Variants in PIK3C2A observed in about 807,000 individuals in gnomAD.
The protein encoded by PIK3C2A is phosphatidylinositol 4-phosphate 3-kinase C2 domain-containing subunit alpha.
PIK3C2A carries 97 observed loss-of-function variants against 204.5 expected under a neutral mutation model. The ratio of observed to expected loss-of-function variants is 0.47; its 90% CI spans 0.40 to 0.56. The LOEUF (loss-of-function observed/expected upper bound fraction) is 0.56. PIK3C2A is among the 20% of genes least tolerant of loss of function. The probability of loss-of-function intolerance (pLI) is 0.00; values close to 1 mark genes in which losing one functional copy is unlikely to be tolerated. For synonymous variants in PIK3C2A, 653 were observed against 664.4 expected (o/e 0.98, Z 0.26); for missense variants, 1,735 against 1,969.2 (o/e 0.88, Z 2.25).
At chr11:17,193,471 A>G in intron 1 of PIK3C2A, 1 of 422,030 alleles carries the variant, frequency 2.4e-6, no homozygotes. Context: ...TTCAGGAGCC[A>G]TGGCTTAGGG....
chr11:17,106,799 A>G (rs80288693), intron 22 of PIK3C2A, among the ~76,000 whole-genome samples: 6,984 of 152,282 alleles, frequency 0.046, 374 homozygotes, highest in African/African-American at 0.12. Flanking sequence ...AAAGTTACAT[A>G]TAAGACACAC....
rs188033481 is a variant in PIK3C2A at position 17,090,692 on chromosome 11, G to A, written c.4878+642C>T. Among the ~76,000 whole-genome samples, 21 of 151,980 alleles carry A rather than the reference G, an allele frequency of 1.4e-4. No individual in the cohort carries two copies. In the East Asian group the frequency reaches 2.5e-3, roughly 18 times the overall value. On this transcript the variant is annotated intron_variant, in intron 32 of 32. Transcript: ENST00000691414. ...GTTAAATACTATTGGACTGTTATTGGTGTACACTGTATAACAAATAGTTCA... is the reference window on the plus strand; with the variant it reads ...GTTAAATACTATTGGACTGTTATTGATGTACACTGTATAACAAATAGTTCA...
In PIK3C2A at chr11:17,102,730, C is replaced by G. The variant is rs148217284; in HGVS notation, c.3783G>C (p.Thr1261=). ...CAAAGTCAATGTGAAACATGTGTCCCGTGCTTCGAAGCATTATATTGTCAT... is the reference window on the plus strand; with the variant it reads ...CAAAGTCAATGTGAAACATGTGTCCGGTGCTTCGAAGCATTATATTGTCAT... ...RHNDNIMLRS[T]GHMFHIDFGK... The change falls in exon 24 of 33, where the codon ACG becomes ACC. Residue 1261 remains threonine, a synonymous_variant. Coordinates refer to ENST00000691414, the MANE Select transcript of PIK3C2A (RefSeq NM_002645.4). 2 of 1,613,798 alleles carry G rather than the reference C, an allele frequency of 1.2e-6. No homozygotes were observed. Among genetic ancestry groups the G allele is most frequent in the Non-Finnish European group, 8.5e-7 (1 of 1,179,810 alleles).
chr11:17,153,479 G>T (rs1049899742), intron 3 of PIK3C2A, among the ~76,000 whole-genome samples: 1 of 150,266 alleles, frequency 6.7e-6, no homozygotes, highest in Non-Finnish European at 1.5e-5. Context: ...GTAACTAGTA[G>T]ATATAGCAAG....
At chr11:17,151,668 G>C (rs1850430668) in intron 3 of PIK3C2A, among the ~76,000 whole-genome samples, 1 of 151,978 alleles carries the variant, frequency 6.6e-6, no homozygotes, top group South Asian at 2.1e-4. Flanking sequence ...ATAAACTGGG[G>C]GTAATACTAC....
rs544443756 is a variant in PIK3C2A at position 17,169,567 on chromosome 11, T to C, written c.175A>G (p.Ser59Gly). The C allele has an allele frequency of 1.2e-6, 2 of 1,614,188 alleles. No individual in the cohort carries two copies. The highest frequency in any genetic ancestry group is 2.2e-5 in the East Asian group (1 of 44,878). Residue 59 changes from serine (S) to glycine (G), a missense_variant, in exon 2 of 33, where the codon AGC becomes GGC. Around this residue, in one of 6 missense-constraint regions of PIK3C2A, gnomAD observed 536 missense variants for 546.7 expected, o/e 0.98. Transcript: ENST00000691414. ...ACCTGTGCTTTTTTTCTGGTGCTGC[T>C]TGACAACTCAAAGCCTCTCTGATTG... ...TDNQRGFELS[S>G]STRKKAQVYN... is the part of the protein sequence containing the mutation.
chr11:17,106,721 C>T (rs1848833387), intron 22 of PIK3C2A, among the ~76,000 whole-genome samples: 1 of 152,052 alleles, frequency 6.6e-6, no homozygotes, highest in African/African-American at 2.4e-5. Flanking sequence ...GGATTACAGG[C>T]GTGAGCCACC....
intron 8 of PIK3C2A, among the ~76,000 whole-genome samples, chr11:17,144,765 G>A (rs1011413617): frequency 4.0e-5 from 6 of 151,790 alleles, no homozygotes; most frequent in African/African-American, 1.5e-4. Flanking sequence ...ACATGGTGAT[G>A]CATGCCTCTA....
At chr11:17,165,782 GAAAAAAAAAAAAAAA>G (rs35384397) in intron 2 of PIK3C2A, among the ~76,000 whole-genome samples, 4 of 78,844 alleles carry the variant, frequency 5.1e-5, no homozygotes, top group Admixed American at 1.4e-4. Flanking sequence ...TCAAAAAAGT[GAAAAAAAAAAAAAAA>G]AAAAAAAAAA....
chr11:17,154,164 G>C (rs1234997336), intron 3 of PIK3C2A, among the ~76,000 whole-genome samples: 1 of 151,934 alleles, frequency 6.6e-6, no homozygotes, highest in African/African-American at 2.4e-5. Context: ...GATTCAAATG[G>C]GAGAAAAAAG....
chr11:17,188,460 T>C (rs1001136257), intron 1 of PIK3C2A, among the ~76,000 whole-genome samples: 1 of 147,194 alleles, frequency 6.8e-6, no homozygotes, highest in Non-Finnish European at 1.5e-5. Flanking sequence ...TCTTCCCTGG[T>C]GCAGCAGCAT....
At chr11:17,116,269 G>C (rs1334106636) in intron 19 of PIK3C2A, among the ~76,000 whole-genome samples, 3 of 152,144 alleles carry the variant, frequency 2.0e-5, no homozygotes, top group Non-Finnish European at 4.4e-5. Context: ...GAATACAAAT[G>C]GCCAATAAAC....
chr11:17,157,506 C>T (rs933531322), intron 2 of PIK3C2A, among the ~76,000 whole-genome samples: 28 of 151,640 alleles, frequency 1.8e-4, no homozygotes, highest in African/African-American at 6.8e-4. Context: ...TTTTTGCAGC[C>T]TCTTGGTCTG....
At chr11:17,125,220 A>T (rs1849484719) in intron 13 of PIK3C2A, among the ~76,000 whole-genome samples, 1 of 152,344 alleles carries the variant, frequency 6.6e-6, no homozygotes, top group East Asian at 1.9e-4. Context: ...ATCACTGCTT[A>T]CATCAATGGT....
At chr11:17,110,249 G>C (rs141067921) in intron 22 of PIK3C2A, among the ~76,000 whole-genome samples, 183 bp downstream of exon 22, 2 of 152,020 alleles carry the variant, frequency 1.3e-5, no homozygotes, top group East Asian at 3.9e-4. Flanking sequence ...CACTATGCCC[G>C]GCCACTAAGT....
At chr11:17,108,444 A>T (rs1848900491) in intron 22 of PIK3C2A, among the ~76,000 whole-genome samples, 3 of 151,966 alleles carry the variant, frequency 2.0e-5, no homozygotes, top group African/African-American at 7.3e-5. Flanking sequence ...TTTATGAAAA[A>T]TTTTAAAAAT....
intron 2 of PIK3C2A, among the ~76,000 whole-genome samples, chr11:17,162,566 T>C (rs558279690): frequency 2.0e-5 from 3 of 152,296 alleles, no homozygotes; most frequent in African/African-American, 4.8e-5. Flanking sequence ...CTTGTGCCAA[T>C]CACCAAGTTT....
intron 18 of PIK3C2A, among the ~76,000 whole-genome samples, chr11:17,117,879 A>G (rs1849255888): frequency 6.6e-6 from 1 of 151,352 alleles, no homozygotes; most frequent in Non-Finnish European, 1.5e-5. Context: ...ACACCCGGCT[A>G]ATTTTTTGTA....
intron 13 of PIK3C2A, among the ~76,000 whole-genome samples, chr11:17,126,436 A>C (rs566954432): frequency 6.6e-6 from 1 of 152,346 alleles, no homozygotes; most frequent in South Asian, 2.1e-4. Context: ...ATTAAGGCTG[A>C]ATGAAATGCC....
Sources: gnomAD v4.1 joint callset for allele counts (sites outside exome capture counted in the v4.1 genomes callset) on GRCh38, gnomAD v4.1.1 for gene constraint, gnomAD v4.1.1 regional missense constraint, MANE v1.5 for transcripts, NCBI Gene and HGNC (gene_info 2026-07-23, HGNC 2026-07-21) for gene names.